NR6A1: variants seen among roughly 807,000 people sequenced by gnomAD.
NR6A1 encodes nuclear receptor subfamily 6 group A member 1, also known as retinoic acid receptor-related testis-associated receptor.
In NR6A1, 7 loss-of-function variants were observed where a neutral mutation model predicts 59.1. The ratio of observed to expected loss-of-function variants is 0.12; its 90% CI spans 0.07 to 0.22. NR6A1 has a LOEUF of 0.22. NR6A1 is among the 10% of genes least tolerant of loss of function. The pLI is 1.00. For synonymous variants in NR6A1, 243 were observed against 236.1 expected (o/e 1.03, Z -0.27); for missense variants, 468 against 611.6 (o/e 0.77, Z 2.48).
intron 2 of NR6A1, among the ~76,000 whole-genome samples, chr9:124,577,899 T>C (rs1033124286): frequency 1.3e-5 from 2 of 152,238 alleles, no homozygotes; most frequent in African/African-American, 2.4e-5. Context: ...AAAACAGATA[T>C]GTAAATTCTA....
At chr9:124,720,970 CTTTT>C (rs947245322) in intron 2 of NR6A1, among the ~76,000 whole-genome samples, 35 of 151,892 alleles carry the variant, frequency 2.3e-4, no homozygotes, top group African/African-American at 8.5e-4. Flanking sequence ...CCCCTTTCAG[CTTTT>C]TTTTAATAAA....
chr9:124,700,754 C>CTTTT (rs35704226), intron 2 of NR6A1, among the ~76,000 whole-genome samples: 30 of 91,264 alleles, frequency 3.3e-4, no homozygotes, highest in African/African-American at 4.2e-4. Context: ...TTTACATAGC[C>CTTTT]TTTTTTTTTT....
At chr9:124,763,649 G>A (rs1223133473) in intron 1 of NR6A1, among the ~76,000 whole-genome samples, 1 of 152,184 alleles carries the variant, frequency 6.6e-6, no homozygotes, top group Non-Finnish European at 1.5e-5. Flanking sequence ...TAAAAAGCAA[G>A]GGATGAGGAA....
chr9:124,630,276 C>G (rs978169616), intron 2 of NR6A1, among the ~76,000 whole-genome samples: 5 of 133,780 alleles, frequency 3.7e-5, no homozygotes, highest in Non-Finnish European at 7.6e-5. Flanking sequence ...AGTGCAATGG[C>G]ATGATCTTGG....
At chr9:124,551,641 A>C (rs372589070) in intron 3 of NR6A1, among the ~76,000 whole-genome samples, 3 of 152,192 alleles carry the variant, frequency 2.0e-5, no homozygotes, top group African/African-American at 7.2e-5. Flanking sequence ...CCAACCCCTT[A>C]AGTGTGGTTA....
intron 1 of NR6A1, among the ~76,000 whole-genome samples, chr9:124,738,873 C>T (rs190257528): frequency 6.6e-6 from 1 of 151,942 alleles, no homozygotes; most frequent in East Asian, 1.9e-4. Context: ...CGTGGTGGCG[C>T]ATGCTGTAGT....
intron 2 of NR6A1, among the ~76,000 whole-genome samples, chr9:124,726,189 T>C (rs1458962306): frequency 6.6e-6 from 1 of 152,144 alleles, no homozygotes; most frequent in African/African-American, 2.4e-5. Flanking sequence ...CCTCACATCG[T>C]TGTTAAGTAG....
At chr9:124,648,181 T>C (rs1836994249) in intron 2 of NR6A1, among the ~76,000 whole-genome samples, 1 of 152,108 alleles carries the variant, frequency 6.6e-6, no homozygotes, top group Admixed American at 6.5e-5. Flanking sequence ...ATATGTTACA[T>C]TAACAGAATC....
At chr9:124,537,916 G>A (rs1348340021) in intron 6 of NR6A1, among the ~76,000 whole-genome samples, 176 bp downstream of exon 6, 3 of 152,104 alleles carry the variant, frequency 2.0e-5, no homozygotes, top group Admixed American at 1.3e-4. Flanking sequence ...GATGCTTAAG[G>A]AAAAAATAAG....
chr9:124,680,251 T>A (rs545347877), intron 2 of NR6A1, among the ~76,000 whole-genome samples: 1 of 152,294 alleles, frequency 6.6e-6, no homozygotes, highest in African/African-American at 2.4e-5. Context: ...ATCTGGACAC[T>A]GTTTGGCATG....
chr9:124,703,796 G>C (rs1049987291), intron 2 of NR6A1, among the ~76,000 whole-genome samples: 1 of 151,272 alleles, frequency 6.6e-6, no homozygotes, highest in East Asian at 2.0e-4. Flanking sequence ...TTTTCTAAAA[G>C]AATTTGTTAA....
At chr9:124,542,054 G>C (rs1833463092) in intron 4 of NR6A1, among the ~76,000 whole-genome samples, 1 of 152,158 alleles carries the variant, frequency 6.6e-6, no homozygotes, top group Admixed American at 6.5e-5. Flanking sequence ...TGAGTATAGT[G>C]TTTCAGTCAT....
intron 2 of NR6A1, among the ~76,000 whole-genome samples, chr9:124,718,774 C>T (rs1839476170): frequency 6.9e-6 from 1 of 144,082 alleles, no homozygotes; most frequent in Admixed American, 7.0e-5. Context: ...ATCCATTTAT[C>T]GAGTCCCCTA....
intron 2 of NR6A1, among the ~76,000 whole-genome samples, chr9:124,619,027 T>C (rs543665078): frequency 2.9e-4 from 44 of 152,256 alleles, no homozygotes; most frequent in South Asian, 2.5e-3. Context: ...AGTAATGCCA[T>C]AAGTAAGCAA....
rs552087587 is a variant in NR6A1 at position 124,601,457 on chromosome 9, G to A, written c.143-46887C>T. ...AGATTAGCCGGGCGTCATGGCGGGC[G>A]CCTGTAGTCCCAGCTACTCGGGGGG... On this transcript the variant is annotated intron_variant, in intron 2 of 9. Coordinates refer to ENST00000487099, the MANE Select transcript of NR6A1 (RefSeq NM_033334.4). Among the ~76,000 whole-genome samples, 4 of 151,526 alleles carry A rather than the reference G, an allele frequency of 2.6e-5. No individual in the cohort carries two copies. The South Asian group carries it at 6.3e-4, about 24-fold the overall frequency.
intron 2 of NR6A1, among the ~76,000 whole-genome samples, chr9:124,654,765 G>C (rs1194284542): frequency 6.6e-6 from 1 of 151,890 alleles, no homozygotes; most frequent in Non-Finnish European, 1.5e-5. Context: ...ATAGTACTTT[G>C]AGAATTCATT....
At chr9:124,612,021 C>T (rs1835766534) in intron 2 of NR6A1, among the ~76,000 whole-genome samples, 1 of 152,128 alleles carries the variant, frequency 6.6e-6, no homozygotes, top group African/African-American at 2.4e-5. Context: ...TAGCTCACCA[C>T]TATTTTCTTG....
At chr9:124,574,859 C>T (rs1834544893) in intron 2 of NR6A1, among the ~76,000 whole-genome samples, 1 of 152,140 alleles carries the variant, frequency 6.6e-6, no homozygotes, top group Non-Finnish European at 1.5e-5. Flanking sequence ...AATTTATTAC[C>T]TTTCGGGTAT....
At chr9:124,669,691 T>C (rs181997864) in intron 2 of NR6A1, among the ~76,000 whole-genome samples, 20 of 152,342 alleles carry the variant, frequency 1.3e-4, no homozygotes, top group African/African-American at 4.8e-4. Flanking sequence ...ACAGGAATGT[T>C]TACCCAAGTA....
Sources: gnomAD v4.1 joint callset for allele counts (sites outside exome capture counted in the v4.1 genomes callset) on GRCh38, gnomAD v4.1.1 for gene constraint, MANE v1.5 for transcripts, NCBI Gene and HGNC (gene_info 2026-07-23, HGNC 2026-07-21) for gene names.